SH3GL2: variants seen among roughly 807,000 people sequenced by gnomAD.
The protein encoded by SH3GL2 is SH3 domain containing GRB2 like 2, endophilin A1.
SH3GL2 carries 24 observed loss-of-function variants against 46.0 expected under a neutral mutation model. That is an observed-to-expected ratio of 0.52 (90% CI 0.38 to 0.73). SH3GL2 has a LOEUF of 0.73. SH3GL2 is among the 30% of genes least tolerant of loss of function. SH3GL2 has a pLI of 0.00. For missense variants in SH3GL2, 413 were observed against 424.2 expected (o/e 0.97, Z 0.23); for synonymous variants, 196 against 147.1 (o/e 1.33, Z -2.40).
intron 1 of SH3GL2, among the ~76,000 whole-genome samples, chr9:17,702,504 G>C (rs762405530): frequency 2.6e-5 from 4 of 151,836 alleles, no homozygotes; most frequent in Non-Finnish European, 5.9e-5. Flanking sequence ...AAAGCAAGGA[G>C]CAAAACATAG....
intron 1 of SH3GL2, among the ~76,000 whole-genome samples, chr9:17,598,019 T>C (rs1818606020): frequency 6.6e-6 from 1 of 152,186 alleles, no homozygotes; most frequent in African/African-American, 2.4e-5. Context: ...CCAATGATTA[T>C]GCAAATATAT....
chr9:17,656,594 C>G (rs1425704870), intron 1 of SH3GL2, among the ~76,000 whole-genome samples: 1 of 151,754 alleles, frequency 6.6e-6, no homozygotes, highest in Non-Finnish European at 1.5e-5. Flanking sequence ...TACTTATTCT[C>G]TTAGTCATGC....
intron 1 of SH3GL2, among the ~76,000 whole-genome samples, chr9:17,744,742 G>A (rs1477109524): frequency 6.6e-6 from 1 of 152,188 alleles, no homozygotes; most frequent in Non-Finnish European, 1.5e-5. Context: ...AATGCAGGAT[G>A]CAGGCCAAGA....
At chr9:17,770,316 C>A (rs554586366) in intron 3 of SH3GL2, among the ~76,000 whole-genome samples, 10 of 152,134 alleles carry the variant, frequency 6.6e-5, no homozygotes, top group African/African-American at 2.4e-4. Context: ...GCAATTTGCC[C>A]GAACTATACA....
Position 17,760,440 on chromosome 9 carries a change from C to T in SH3GL2, c.115-997C>T, listed in dbSNP as rs73414686. On this transcript the variant is annotated intron_variant, in intron 2 of 8. Coordinates refer to ENST00000380607, the MANE Select transcript of SH3GL2 (RefSeq NM_003026.5). ...TTATATACCGGTATATATTATATAC[C>T]GGTATATATTGGTATATACTGATAT... 1.6e-3 allele frequency among the ~76,000 whole-genome samples: 238 copies of T among 151,376 alleles called. 1 individual carries two copies. Among genetic ancestry groups the T allele is most frequent in the African/African-American group, 5.4e-3 (224 of 41,216 alleles).
chr9:17,757,877 C>G (rs936975246), intron 2 of SH3GL2, among the ~76,000 whole-genome samples: 2 of 152,128 alleles, frequency 1.3e-5, no homozygotes, highest in African/African-American at 4.8e-5. Context: ...ACTCTTCTGC[C>G]AAGTGCATAA....
At chr9:17,672,462 G>C (rs890438022) in intron 1 of SH3GL2, among the ~76,000 whole-genome samples, 1 of 152,138 alleles carries the variant, frequency 6.6e-6, no homozygotes, top group Non-Finnish European at 1.5e-5. Context: ...CTTAGAAAAA[G>C]AGCCCAGATA....
intron 1 of SH3GL2, among the ~76,000 whole-genome samples, chr9:17,676,403 C>A (rs1459022331): frequency 6.6e-6 from 1 of 152,094 alleles, no homozygotes; most frequent in Non-Finnish European, 1.5e-5. Flanking sequence ...GTTAGGAGTT[C>A]AAGACCAGCC....
At chr9:17,617,025 T>G (rs1467101697) in intron 1 of SH3GL2, among the ~76,000 whole-genome samples, 1 of 152,212 alleles carries the variant, frequency 6.6e-6, no homozygotes, top group African/African-American at 2.4e-5. Context: ...TCTCTTTCCT[T>G]GTCTCTGTGC....
intron 2 of SH3GL2, among the ~76,000 whole-genome samples, chr9:17,759,670 A>G (rs113142198): frequency 2.6e-5 from 4 of 152,174 alleles, no homozygotes; most frequent in Non-Finnish European, 5.9e-5. Context: ...GATGATTGTT[A>G]TAATTATTAA....
intron 1 of SH3GL2, among the ~76,000 whole-genome samples, chr9:17,646,898 G>A (rs1017928198): frequency 3.9e-5 from 6 of 152,230 alleles, no homozygotes; most frequent in African/African-American, 1.4e-4. Flanking sequence ...CAGAGGTCGA[G>A]CACTGTGCTG....
intron 1 of SH3GL2, among the ~76,000 whole-genome samples, chr9:17,676,825 G>A (rs1288321216): frequency 6.6e-6 from 1 of 152,052 alleles, no homozygotes; most frequent in Non-Finnish European, 1.5e-5. Flanking sequence ...TCTCCATCTT[G>A]CTTTCTCATC....
At chr9:17,744,194 A>T (rs1382973669) in intron 1 of SH3GL2, among the ~76,000 whole-genome samples, 1 of 152,142 alleles carries the variant, frequency 6.6e-6, no homozygotes, top group Non-Finnish European at 1.5e-5. Flanking sequence ...ACAAGAGGGG[A>T]CTGACATGTG....
In SH3GL2 at chr9:17,743,569, AACACAC is replaced by A. The variant is rs58408701; in HGVS notation, c.46-3470_46-3465del. On this transcript the variant is annotated intron_variant, in intron 1 of 8. Coordinates refer to ENST00000380607, the MANE Select transcript of SH3GL2 (RefSeq NM_003026.5). Reference sequence around the variant, plus strand: ...TCTCTTCTTCCCTCTCTCTTTTGTGAACACACACACACACACACACACACACACACA... The same window carrying A: ...TCTCTTCTTCCCTCTCTCTTTTGTGAACACACACACACACACACACACACA... 1.1e-3 allele frequency among the ~76,000 whole-genome samples: 153 copies of A among 143,674 alleles called. 1 individual carries two copies. The highest frequency in any genetic ancestry group is 3.1e-3 in the Admixed American group (45 of 14,478). 94.3% of individuals were successfully genotyped at this position (143,674 alleles called of 152,430 possible).
intron 1 of SH3GL2, among the ~76,000 whole-genome samples, chr9:17,707,700 G>C (rs1821507444): frequency 6.6e-6 from 1 of 152,020 alleles, no homozygotes; most frequent in African/African-American, 2.4e-5. Context: ...GGGCAAAGGA[G>C]AGTGAAAGTT....
intron 1 of SH3GL2, among the ~76,000 whole-genome samples, chr9:17,739,646 A>G (rs1822467054): frequency 6.6e-6 from 1 of 152,092 alleles, no homozygotes; most frequent in African/African-American, 2.4e-5. Flanking sequence ...CACATTGTAT[A>G]TACTCAAAAC....
intron 1 of SH3GL2, among the ~76,000 whole-genome samples, chr9:17,743,600 A>ACACACACCCCCC (rs1554645782): frequency 6.8e-6 from 1 of 146,162 alleles, no homozygotes; most frequent in African/African-American, 2.5e-5. Flanking sequence ...ACACACACAC[A>ACACACACCCCCC]CCCCAAATAG....
chr9:17,737,385 T>A (rs1822370599), intron 1 of SH3GL2, among the ~76,000 whole-genome samples: 2 of 152,082 alleles, frequency 1.3e-5, no homozygotes, highest in South Asian at 4.1e-4. Flanking sequence ...AATGAATAAA[T>A]AAATAGAATT....
chr9:17,720,169 C>T lies in SH3GL2; in HGVS notation c.46-26897C>T, dbSNP rs909739914. ...CCCCTCTCCCAAATAAATTTAGTAC[C>T]GGAGACACGATGCGTCAAAGAAGTT... On this transcript the variant is annotated intron_variant, in intron 1 of 8. Transcript: ENST00000380607. Among the ~76,000 whole-genome samples, 3 of 151,910 alleles carry T rather than the reference C, an allele frequency of 2.0e-5. No individual in the cohort carries two copies. In the East Asian group the frequency reaches 5.8e-4, roughly 29 times the overall value.
Sources: allele counts gnomAD v4.1 joint callset (sites outside exome capture counted in the v4.1 genomes callset), GRCh38; gene constraint gnomAD v4.1.1; transcripts MANE v1.5; gene names NCBI Gene and HGNC (gene_info 2026-07-23, HGNC 2026-07-21).